Variants in ARL2BP observed in about 807,000 individuals in gnomAD.
ARL2BP encodes ARF like GTPase 2 binding protein, also known as ADP-ribosylation factor-like protein 2-binding protein.
ARL2BP carries 19 observed loss-of-function variants against 24.2 expected under a neutral mutation model. The observed-to-expected ratio is 0.79, with a 90% CI of 0.55 to 1.15. The LOEUF (loss-of-function observed/expected upper bound fraction) is 1.15, where lower values mean the gene tolerates loss of function less well. Among genes scored for constraint, ARL2BP ranks in the 50% most tolerant of loss-of-function variants. The pLI is 0.00. For synonymous variants in ARL2BP, 56 were observed against 70.5 expected (o/e 0.79, Z 1.03); for missense variants, 160 against 190.4 (o/e 0.84, Z 0.94).
chr16:57,249,979 G>T, intron 4 of ARL2BP, 127 bp downstream of exon 4: 1 of 806,124 alleles, frequency 1.2e-6, no homozygotes, highest in Non-Finnish European at 2.1e-6. Flanking sequence ...GTCCTATGGA[G>T]GAAGCCCTCA....
chr16:57,249,274 A>C (rs1257134626), intron 3 of ARL2BP: 1 of 154,416 alleles, frequency 6.5e-6, no homozygotes, highest in African/African-American at 2.4e-5. Context: ...TTGGGTCTCT[A>C]CACTTTACCC....
At chr16:57,250,622 G>A (rs751782815) in intron 5 of ARL2BP, 115 bp downstream of exon 5, 12 of 799,036 alleles carry the variant, frequency 1.5e-5, no homozygotes, top group African/African-American at 6.8e-5. Context: ...CAAACTGGCC[G>A]ATGAGGCATC....
At chr16:57,249,898 CT>C (rs879271895) in intron 4 of ARL2BP, 46 bp downstream of exon 4, 13 of 1,563,192 alleles carry the variant, frequency 8.3e-6, no homozygotes, top group African/African-American at 1.4e-5. Flanking sequence ...TGTTTTCTCA[CT>C]TTCTTCCTTC....
chr16:57,246,700 A>C (rs1170315846), intron 2 of ARL2BP, among the ~76,000 whole-genome samples: 5 of 152,186 alleles, frequency 3.3e-5, no homozygotes, highest in Admixed American at 1.3e-4. Context: ...GCTACTCAGG[A>C]GGCTGAGGCA....
At chr16:57,252,041 G>C (rs2075409869) in intron 5 of ARL2BP, 125 bp from the exon 6 acceptor site, 1 of 714,028 alleles carries the variant, frequency 1.4e-6, no homozygotes, top group African/African-American at 1.8e-5. Context: ...CCAATAACCT[G>C]TGTTCCCTTC....
rs1256906373 is a variant in ARL2BP, at chr16:57,249,581, A to T, written c.208-186A>T. 6.7e-6 allele frequency: 4 copies of T among 596,654 alleles called. No individual in the cohort carries two copies. In the East Asian group the frequency reaches 1.1e-4, roughly 17 times the overall value. 37.0% of individuals were successfully genotyped at this position (596,654 alleles called of 1,614,324 possible). A position where few individuals can be genotyped will look rare whatever the true frequency, so the allele number is the denominator to read the frequency against. ...CATTATCAGCTAAGGCTTCTCTTCC[A>T]CACCAGGCTGAGTACTTCTCCAGGA... On this transcript the variant is annotated intron_variant, in intron 3 of 5. Transcript: ENST00000219204.
intron 2 of ARL2BP, 187 bp from the exon 3 acceptor site, chr16:57,248,350 A>T: frequency 3.0e-6 from 1 of 328,698 alleles, no homozygotes; most frequent in Admixed American, 4.9e-5. Context: ...AGAAAGAAAA[A>T]GAAAACAGGA....
chr16:57,250,674 A>T, intron 5 of ARL2BP, 167 bp downstream of exon 5: 2 of 614,266 alleles, frequency 3.3e-6, no homozygotes, highest in Non-Finnish European at 5.7e-6. Context: ...GGACCTTCTC[A>T]TGTTTTCATG....
chr16:57,251,650 G>C (rs1214575510), intron 5 of ARL2BP: 1 of 152,082 alleles, frequency 6.6e-6, no homozygotes, highest in Admixed American at 6.5e-5. Context: ...TACATTTTAA[G>C]AGTGCATTTT....
At position 57,252,441 on chromosome 16, in the gene ARL2BP, C is replaced by A; in HGVS notation, c.*174C>A. 3 of 1,137,126 alleles carry A rather than the reference C, an allele frequency of 2.6e-6. No individual in the cohort carries two copies. The highest frequency in any genetic ancestry group is 3.7e-6 in the Non-Finnish European group (3 of 808,698). 70.4% of individuals were successfully genotyped at this position (1,137,126 alleles called of 1,614,324 possible). A position where few individuals can be genotyped will look rare whatever the true frequency, so the allele number is the denominator to read the frequency against. The stretch of plus-strand genomic sequence containing the variant: ...ACCTAACCCTCCTGGACCTATTTAT[C>A]CTGAAACACCTTCTTGTATTCATTA... On this transcript the variant is annotated 3_prime_UTR_variant, in exon 6 of 6. Transcript: ENST00000219204.
chr16:57,250,031 C>T (rs1221859395), intron 4 of ARL2BP, 179 bp downstream of exon 4: 16 of 629,374 alleles, frequency 2.5e-5, no homozygotes, highest in Admixed American at 1.1e-4. Flanking sequence ...CATTGGCTCA[C>T]GCTTGTGTTC....
At chr16:57,245,516 C>A in intron 1 of ARL2BP, 111 bp downstream of exon 1, 4 of 1,430,162 alleles carry the variant, frequency 2.8e-6, no homozygotes, top group Non-Finnish European at 3.8e-6. Flanking sequence ...CGGGCCGGGC[C>A]GGGCAGGGTG....
chr16:57,249,111 C>T (rs752874357), intron 3 of ARL2BP: 1 of 152,636 alleles, frequency 6.6e-6, no homozygotes, highest in East Asian at 1.9e-4. Flanking sequence ...ATGCTTTTGA[C>T]AAACCTTTCT....
At chr16:57,250,776 T>A in intron 5 of ARL2BP, 2 of 432,966 alleles carry the variant, frequency 4.6e-6, no homozygotes, top group Non-Finnish European at 4.1e-6. Flanking sequence ...GCCTTTCTTT[T>A]ATTTATTTTT....
intron 1 of ARL2BP, 161 bp from the exon 2 acceptor site, chr16:57,245,919 A>G: frequency 1.5e-6 from 1 of 682,854 alleles, no homozygotes; most frequent in Non-Finnish European, 2.6e-6. Flanking sequence ...TTCTGTTTGG[A>G]CTTACTAGAT....
chr16:57,247,441 T>G (rs2146427104), intron 2 of ARL2BP: 1 of 152,236 alleles, frequency 6.6e-6, no homozygotes, highest in East Asian at 1.9e-4. Flanking sequence ...CCCCAACACT[T>G]TGGGAGGCCA....
At chr16:57,251,979 T>C (rs2075409625) in intron 5 of ARL2BP, 187 bp from the exon 6 acceptor site, 1 of 556,072 alleles carries the variant, frequency 1.8e-6, no homozygotes. Context: ...AAAATAATAT[T>C]AAAAAAAATT....
Position 57,245,396 on chromosome 16 carries a change from C to T in ARL2BP, c.29C>T (p.Ala10Val). The T allele has an allele frequency of 6.2e-7, 1 of 1,607,030 alleles. No individual in the cohort carries two copies. The highest frequency in any genetic ancestry group is 8.5e-7 in the Non-Finnish European group (1 of 1,177,480). ...GACGCCTTAGAAGGAGAGAGCTTTG[C>T]GCTGTCTTTGTGAGTAGCTCCTCCA... MDALEGESF[A>V]LSFSSASDAE... Residue 10 changes from alanine (A) to valine (V), a missense_variant, in exon 1 of 6, where the codon GCG becomes GTG. By Grantham distance (64) the Ala-to-Val change is moderately conservative (BLOSUM62 0). Coordinates refer to ENST00000219204, the MANE Select transcript of ARL2BP (RefSeq NM_012106.4).
Position 57,248,583 on chromosome 16 carries a change from C to T in ARL2BP, c.147C>T (p.Tyr49=), listed in dbSNP as rs2075397947. ...AGAGAAATTTCATGGACAAGTACTA[C>T]CTGGAGTTTGAAGACACAGAAGAGA... ...LLQRNFMDKY[Y]LEFEDTEENK... The change falls in exon 3 of 6, where the codon TAC becomes TAT. Residue 49 remains tyrosine, a synonymous_variant. Transcript: ENST00000219204. 6.2e-7 allele frequency: 1 copy of T among 1,606,228 alleles called. No individual in the cohort carries two copies. The highest frequency in any genetic ancestry group is 8.5e-7 in the Non-Finnish European group (1 of 1,176,806).
Sources: allele counts gnomAD v4.1 joint callset (sites outside exome capture counted in the v4.1 genomes callset), GRCh38; gene constraint gnomAD v4.1.1; transcripts MANE v1.5; gene names NCBI Gene and HGNC (gene_info 2026-07-23, HGNC 2026-07-21).